Variants in ADGRG4 observed in about 807,000 individuals in gnomAD.
ADGRG4 encodes adhesion G protein-coupled receptor G4, also known as G protein-coupled receptor 112.
ADGRG4 carries 122 observed loss-of-function variants against 126.2 expected under a neutral mutation model. The observed-to-expected ratio is 0.97, with a 90% CI of 0.83 to 1.12. The LOEUF is 1.12. ADGRG4 is among the 50% of genes most tolerant of loss of function. The pLI, the probability that ADGRG4 is intolerant of heterozygous loss-of-function variation, is 0.00. For missense variants in ADGRG4, 2,481 were observed against 2,251.8 expected, an observed-to-expected ratio of 1.10 and a Z score of -2.06; for synonymous variants, 943 against 838.7, an observed-to-expected ratio of 1.12 and a Z score of -2.15.
intron 23 of ADGRG4, among the ~76,000 whole-genome samples, chrX:136,408,582 G>A (rs1264548848): frequency 8.9e-6 from 1 of 112,022 alleles, no homozygotes; most frequent in Non-Finnish European, 1.9e-5. Context: ...GTATTCCATG[G>A]TGGCTATGTA....
Position 136,414,256 on chromosome X carries a change from C to T in ADGRG4, c.9134C>T (p.Thr3045Ile). Residue 3045 changes from threonine to isoleucine, a missense_variant, in exon 25 of 26, where the codon ACT (threonine) becomes ATT (isoleucine). Physicochemically the swap from Thr to Ile is moderately conservative, Grantham distance 89. Transcript: ENST00000394143. ...CTGTTGACGCCATCTCTCAAGTCAA[C>T]TGCAACTAGCTCCACTTTCAAATCT... ...HKLLTPSLKS[T>I]ATSSTFKSLG... 8.3e-7 allele frequency: 1 copy of T among 1,207,056 alleles called. No homozygotes were observed.
intron 24 of ADGRG4, among the ~76,000 whole-genome samples, chrX:136,413,728 G>T (rs868615931): frequency 3.0e-5 from 3 of 101,492 alleles, no homozygotes; most frequent in African/African-American, 1.1e-4. Context: ...TTGTTTTTTT[G>T]TTTTTGTTTT....
intron 10 of ADGRG4, 142 bp from the exon 11 acceptor site, chrX:136,359,150 G>A (rs2075111987): frequency 4.0e-6 from 2 of 496,793 alleles, no homozygotes; most frequent in Non-Finnish European, 6.8e-6. Flanking sequence ...CACTTCTTAA[G>A]ATTGGCTGCT....
At chrX:136,354,851 G>T (rs2075083855) in intron 8 of ADGRG4, among the ~76,000 whole-genome samples, 1 of 111,679 alleles carries the variant, frequency 9.0e-6, no homozygotes, top group African/African-American at 3.2e-5. Flanking sequence ...AAGGGACAAG[G>T]GGAATGGAGC....
intron 15 of ADGRG4, among the ~76,000 whole-genome samples, chrX:136,381,440 AG>A (rs1329790465): frequency 9.0e-6 from 1 of 110,974 alleles, no homozygotes. Flanking sequence ...TTGTTTGTAA[AG>A]ATGAGATCTC....
intron 23 of ADGRG4, among the ~76,000 whole-genome samples, chrX:136,409,518 G>C: frequency 8.9e-6 from 1 of 111,913 alleles, no homozygotes; most frequent in Non-Finnish European, 1.9e-5. Context: ...TGCCTGCTCT[G>C]AGACTGTGGT....
intron 5 of ADGRG4, among the ~76,000 whole-genome samples, chrX:136,342,459 T>C (rs1171623070): frequency 1.8e-5 from 2 of 111,587 alleles, no homozygotes; most frequent in Non-Finnish European, 3.8e-5. Context: ...AAAAATCACA[T>C]GCAAACAAAG....
rs746164623 is a variant in ADGRG4, at chrX:136,349,748, C to T, written c.6042C>T (p.Leu2014=). 2.5e-6 allele frequency: 3 copies of T among 1,209,308 alleles called. No homozygotes were observed. The highest frequency in any genetic ancestry group is 3.4e-6 in the Non-Finnish European group (3 of 893,820). ...SPILTWLLSS[L]PSGSPPATVS... ...TTCTGACATGGCTCTTATCTAGTCT[C>T]CCTTCTGGCTCCCCTCCGGCAACTG... The change falls in exon 6 of 26, where the codon CTC becomes CTT. Residue 2014 remains leucine (L), a synonymous_variant. Coordinates refer to ENST00000394143, the MANE Select transcript of ADGRG4 (RefSeq NM_153834.4).
At position 136,392,396 on chromosome X, in the gene ADGRG4, A is replaced by G. The variant is rs16993304; in HGVS notation, c.8034+42A>G. The G allele has an allele frequency of 3.2e-3, 3,414 of 1,075,607 alleles. 59 individuals are homozygous for G. In the African/African-American group the frequency reaches 0.055, roughly 17 times the overall value. The allele number at this position is 1,075,607 out of a possible 1,213,427, so 88.6% of individuals were successfully genotyped here. A position where few individuals can be genotyped will look rare whatever the true frequency, so the allele number is the denominator to read the frequency against. On this transcript the variant is annotated intron_variant, in intron 17 of 25. Coordinates refer to ENST00000394143, the MANE Select transcript of ADGRG4 (RefSeq NM_153834.4). Reference sequence around the variant, plus strand: ...CAGCTCAGAATCAAATGGCCTCAGGAACTCTTCACGACTTTTCTGTTAAAA... The same window carrying G: ...CAGCTCAGAATCAAATGGCCTCAGGGACTCTTCACGACTTTTCTGTTAAAA...
At position 136,395,430 on chromosome X, in the gene ADGRG4, G is replaced by A. The variant is rs748854745; in HGVS notation, c.8121G>A (p.Lys2707=). ...GGAATTCGTCAGGCTGTAAAGTAAA[G>A]GAAACAAATGTAAATTACACAATCT... ...GGWNSSGCKV[K]ETNVNYTICQ... Residue 2707 remains lysine, a synonymous_variant, in exon 19 of 26, where the codon AAG becomes AAA. Transcript: ENST00000394143. The A allele has an allele frequency of 8.3e-7, 1 of 1,204,339 alleles. No homozygotes were observed. Among genetic ancestry groups the A allele is most frequent in the Non-Finnish European group, 1.1e-6 (1 of 889,477 alleles).
chrX:136,317,037 G>A (rs752791673), intron 4 of ADGRG4, among the ~76,000 whole-genome samples: 123 of 111,313 alleles, frequency 1.1e-3, no homozygotes, highest in South Asian at 4.2e-3. Flanking sequence ...AGCTACAAAG[G>A]ACCTACTCTG....
chrX:136,345,133 C>T lies in ADGRG4; in HGVS notation c.1427C>T (p.Thr476Ile). 3.3e-6 allele frequency: 4 copies of T among 1,211,237 alleles called. No individual in the cohort carries two copies. The South Asian group carries it at 5.3e-5, about 16-fold the overall frequency. ...CCACCTGAGCCTGTGCTCATCTCCA[C>T]AGCTGCTCCAGTAGATTCTGTATTT... is the stretch of plus-strand genomic sequence containing the variant. ...SFPPEPVLIS[T>I]AAPVDSVFPR... Residue 476 changes from threonine to isoleucine, a missense_variant, in exon 6 of 26, where the codon ACA becomes ATA. Physicochemically the swap from Thr to Ile is moderately conservative, Grantham distance 89. Transcript: ENST00000394143.
chrX:136,387,793 T>C lies in ADGRG4; in HGVS notation c.7830T>C (p.Pro2610=). The C allele has an allele frequency of 1.2e-5, 14 of 1,205,344 alleles. No homozygotes were observed. The highest frequency in any genetic ancestry group is 1.3e-5 in the Non-Finnish European group (12 of 889,777). Residue 2610 remains proline (P), a synonymous_variant, in exon 16 of 26, where the codon CCT becomes CCC. Coordinates refer to ENST00000394143, the MANE Select transcript of ADGRG4 (RefSeq NM_153834.4). ...GGATTTTGGCTTCCATATATTTGCC[T>C]AAATCACTGACGGAGAGAATTCCTC... ...VGGILASIYL[P]KSLTERIPLS...
chrX:136,378,303 A>G (rs2148485074), intron 15 of ADGRG4, among the ~76,000 whole-genome samples: 1 of 111,061 alleles, frequency 9.0e-6, no homozygotes, highest in South Asian at 3.7e-4. Flanking sequence ...TATATATGAA[A>G]TATTATTTAT....
At chrX:136,336,787 T>C (rs1181140729) in intron 5 of ADGRG4, among the ~76,000 whole-genome samples, 1 of 112,314 alleles carries the variant, frequency 8.9e-6, no homozygotes. Flanking sequence ...GAGCGTACTT[T>C]AATATTCCAT....
intron 5 of ADGRG4, among the ~76,000 whole-genome samples, chrX:136,330,584 A>G (rs2074903236): frequency 9.0e-6 from 1 of 111,413 alleles, no homozygotes; most frequent in Admixed American, 9.5e-5. Flanking sequence ...CCTGCTATGG[A>G]CATCTGTGTA....
chrX:136,307,607 T>A (rs772698859), intron 3 of ADGRG4, among the ~76,000 whole-genome samples: 2 of 112,857 alleles, frequency 1.8e-5, no homozygotes, highest in South Asian at 3.6e-4. Context: ...TTTGACTTCC[T>A]AATTGGCTTC....
intron 23 of ADGRG4, among the ~76,000 whole-genome samples, chrX:136,410,419 G>A (rs925266494): frequency 1.8e-5 from 2 of 111,591 alleles, no homozygotes; most frequent in East Asian, 2.8e-4. Flanking sequence ...ACTGTCACTC[G>A]CCTCAGTCAA....
In ADGRG4 at chrX:136,349,518, T is replaced by A. The variant is rs758897711; in HGVS notation, c.5812T>A (p.Ser1938Thr). 8.3e-7 allele frequency: 1 copy of A among 1,203,093 alleles called. No homozygotes were observed. Among genetic ancestry groups the A allele is most frequent in the Non-Finnish European group, 1.1e-6 (1 of 887,754 alleles). Residue 1938 changes from serine to threonine, a missense_variant, in exon 6 of 26, where the codon TCA (serine) becomes ACA (threonine). Coordinates refer to ENST00000394143, the MANE Select transcript of ADGRG4 (RefSeq NM_153834.4). ...AGTATCTAAAGATGTCATGGCAATG[T>A]CATCAATTCCTATGTCAGGAATTCT... is the stretch of plus-strand genomic sequence containing the variant. ...GLVSKDVMAM[S>T]SIPMSGILPN...
Sources: gnomAD v4.1 joint callset for allele counts (sites outside exome capture counted in the v4.1 genomes callset) on GRCh38, gnomAD v4.1.1 for gene constraint, MANE v1.5 for transcripts, NCBI Gene and HGNC (gene_info 2026-07-23, HGNC 2026-07-21) for gene names.